TRIM24: variants seen among roughly 807,000 people sequenced by gnomAD.
TRIM24 encodes tripartite motif containing 24, also known as transcription intermediary factor 1-alpha.
In TRIM24, 29 loss-of-function variants were observed where a neutral mutation model predicts 123.9. That is an observed-to-expected ratio of 0.23 (90% CI 0.17 to 0.32). The LOEUF (loss-of-function observed/expected upper bound fraction) is 0.32, where lower values mean the gene tolerates loss of function less well. TRIM24 is among the 10% of genes least tolerant of loss of function. The pLI, the probability that TRIM24 is intolerant of heterozygous loss-of-function variation, is 1.00. For synonymous variants in TRIM24, 456 were observed against 461.1 expected (o/e 0.99, Z 0.14); for missense variants, 932 against 1,295.3 (o/e 0.72, Z 4.31).
intron 1 of TRIM24, among the ~76,000 whole-genome samples, chr7:138,466,599 C>T (rs1403242684): frequency 2.7e-5 from 4 of 149,556 alleles, no homozygotes; most frequent in Non-Finnish European, 3.0e-5. Flanking sequence ...AAGTGATCAC[C>T]CATCTCGTCT....
At chr7:138,500,068 T>C (rs886453736) in intron 1 of TRIM24, among the ~76,000 whole-genome samples, 5 of 152,154 alleles carry the variant, frequency 3.3e-5, no homozygotes, top group South Asian at 2.1e-4. Context: ...CCATGTGTAA[T>C]AAGAGACTTT....
At chr7:138,534,174 C>T (rs1796813484) in intron 6 of TRIM24, among the ~76,000 whole-genome samples, 1 of 152,132 alleles carries the variant, frequency 6.6e-6, no homozygotes, top group Non-Finnish European at 1.5e-5. Flanking sequence ...CTCCTGGATT[C>T]ATCAATTTTT....
chr7:138,540,515 A>C (rs1404943067), intron 7 of TRIM24, among the ~76,000 whole-genome samples: 1 of 152,218 alleles, frequency 6.6e-6, no homozygotes, highest in African/African-American at 2.4e-5. Context: ...CTATTCATCC[A>C]TTCAAGTTTG....
intron 9 of TRIM24, among the ~76,000 whole-genome samples, chr7:138,555,720 G>GATCC (rs1797302769): frequency 6.6e-6 from 1 of 151,966 alleles, no homozygotes; most frequent in Non-Finnish European, 1.5e-5. Flanking sequence ...CTGACCTTGT[G>GATCC]ATCCACCCAC....
intron 1 of TRIM24, among the ~76,000 whole-genome samples, chr7:138,468,038 GTTGAAT>G (rs910273305): frequency 6.6e-6 from 1 of 152,072 alleles, no homozygotes; most frequent in Non-Finnish European, 1.5e-5. Flanking sequence ...TTGACTAGAA[GTTGAAT>G]TTCAGTATTA....
At chr7:138,496,399 C>T (rs1210149886) in intron 1 of TRIM24, among the ~76,000 whole-genome samples, 2 of 152,146 alleles carry the variant, frequency 1.3e-5, no homozygotes, top group Non-Finnish European at 2.9e-5. Context: ...AGTTTTACTT[C>T]TTCCTTTCCA....
intron 1 of TRIM24, among the ~76,000 whole-genome samples, chr7:138,467,110 C>T (rs952457801): frequency 2.6e-5 from 4 of 152,208 alleles, no homozygotes; most frequent in African/African-American, 9.6e-5. Flanking sequence ...ATTGATTTGT[C>T]CATTCAGCTA....
rs147560321 is a variant in TRIM24 at position 138,580,687 on chromosome 7, A to G, written c.2711A>G (p.Asp904Gly). 6.2e-7 allele frequency: 1 copy of G among 1,613,142 alleles called. No homozygotes were observed. The highest frequency in any genetic ancestry group is 8.5e-7 in the Non-Finnish European group (1 of 1,179,652). Reference sequence around the variant, plus strand: ...GGCCTTGTTAAGTTAACACCTATAGATAAAAGGGTAAGTCTTTGGTAAGAT... The same window carrying G: ...GGCCTTGTTAAGTTAACACCTATAGGTAAAAGGGTAAGTCTTTGGTAAGAT... ...TEGLVKLTPI[D>G]KRKCERLLLF... The change falls in exon 16 of 19, where the codon GAT becomes GGT. Residue 904 changes from aspartate to glycine, a missense_variant. Physicochemically the swap from Asp to Gly is moderately conservative, Grantham distance 94 (BLOSUM62 -1). Coordinates refer to ENST00000343526, the MANE Select transcript of TRIM24 (RefSeq NM_015905.3).
chr7:138,546,801 A>G (rs1040075223), intron 7 of TRIM24, among the ~76,000 whole-genome samples: 2 of 152,222 alleles, frequency 1.3e-5, no homozygotes, highest in Non-Finnish European at 1.5e-5. Context: ...AGTGTTGGAG[A>G]GGATGTGGAG....
At position 138,579,522 on chromosome 7, in the gene TRIM24, A is replaced by C; in HGVS notation, c.2575A>C (p.Asn859His). 4 of 1,601,678 alleles carry C rather than the reference A, an allele frequency of 2.5e-6. No homozygotes were observed. The highest frequency in any genetic ancestry group is 3.4e-6 in the Non-Finnish European group (4 of 1,172,594). The stretch of plus-strand genomic sequence containing the variant: ...TTCTTGTCATGTGCCCACATTGACA[A>C]ATTTTCCAAGGTAAGATAGTACTTC... ...HLSCHVPTLT[N>H]FPSGEWICTF... is the part of the protein sequence containing the mutation. Residue 859 changes from asparagine (N) to histidine (H), a missense_variant, in exon 15 of 19, where the codon AAT becomes CAT. Asn to His is a moderately conservative substitution (Grantham distance 68). Transcript: ENST00000343526.
intron 9 of TRIM24, among the ~76,000 whole-genome samples, chr7:138,558,059 T>C (rs988773048): frequency 9.2e-5 from 14 of 152,132 alleles, no homozygotes; most frequent in Non-Finnish European, 2.9e-5. Flanking sequence ...TTAGAGGGAT[T>C]AGGCAGAAGG....
At chr7:138,553,338 T>TA (rs1372060709) in intron 8 of TRIM24, among the ~76,000 whole-genome samples, 1 of 152,226 alleles carries the variant, frequency 6.6e-6, no homozygotes, top group Non-Finnish European at 1.5e-5. Flanking sequence ...TGACTTTAGA[T>TA]AAGTTTTACA....
In TRIM24 at chr7:138,586,473, G is replaced by A. The variant is rs1403187825; in HGVS notation, c.*1522G>A. On this transcript the variant is annotated 3_prime_UTR_variant, in exon 19 of 19. Transcript: ENST00000343526. ...CATTGGGTTTTCAGGTACTGCTAAA[G>A]ATAAAATACAGGGAGAAAATAACTT... 2 of 152,736 alleles carry A rather than the reference G, an allele frequency of 1.3e-5. No individual in the cohort carries two copies. The highest frequency in any genetic ancestry group is 3.8e-4 in the East Asian group (2 of 5,208). The allele number at this position is 152,736 out of a possible 1,614,324, so 9.5% of individuals were successfully genotyped here.
At chr7:138,522,206 C>T (rs947114115) in intron 4 of TRIM24, among the ~76,000 whole-genome samples, 11 of 152,078 alleles carry the variant, frequency 7.2e-5, no homozygotes, top group East Asian at 5.8e-4. Flanking sequence ...TGCAGTGGCT[C>T]ACACCTGTAA....
At chr7:138,536,561 G>C (rs1796878530) in intron 6 of TRIM24, among the ~76,000 whole-genome samples, 1 of 152,236 alleles carries the variant, frequency 6.6e-6, no homozygotes, top group East Asian at 1.9e-4. Context: ...GTTGCTGCCT[G>C]ATCGTTCCTC....
chr7:138,495,470 T>C (rs1362699498), intron 1 of TRIM24, among the ~76,000 whole-genome samples: 2 of 152,112 alleles, frequency 1.3e-5, no homozygotes, highest in Non-Finnish European at 2.9e-5. Flanking sequence ...CCTTCTACTG[T>C]CTTCTGACTT....
At chr7:138,530,005 TC>T (rs971620244) in intron 6 of TRIM24, among the ~76,000 whole-genome samples, 5 of 152,192 alleles carry the variant, frequency 3.3e-5, no homozygotes, top group African/African-American at 9.7e-5. Context: ...ATTTAGGTCA[TC>T]CTTTTTATAT....
intron 6 of TRIM24, among the ~76,000 whole-genome samples, chr7:138,531,728 T>C (rs1170354464): frequency 6.6e-6 from 1 of 152,236 alleles, no homozygotes; most frequent in African/African-American, 2.4e-5. Flanking sequence ...TTTGGGTATA[T>C]ACCCAGTAAT....
rs748834293 is a variant in TRIM24 at position 138,554,715 on chromosome 7, G to A, written c.1279G>A (p.Asp427Asn). 4 of 1,613,954 alleles carry A rather than the reference G, an allele frequency of 2.5e-6. No individual in the cohort carries two copies. In the African/African-American group the frequency reaches 5.3e-5, roughly 22 times the overall value. Residue 427 changes from aspartate (D) to asparagine (N), a missense_variant, in exon 9 of 19, where the codon GAT becomes AAT. Asp to Asn is a conservative substitution (Grantham distance 23). Transcript: ENST00000343526. This position sits in a 1 kb window ranked among gnomAD's most constrained non-coding sequence, Gnocchi z 4.5. Reference sequence around the variant, plus strand: ...TTAATTAGGTTCTTTAGTAATCGAGGATAAAGAGAGCCAGCCACAAATGCC... The same window carrying A: ...TTAATTAGGTTCTTTAGTAATCGAGAATAAAGAGAGCCAGCCACAAATGCC... ...IINLGSLVIE[D>N]KESQPQMPKQ...
Sources: allele counts gnomAD v4.1 joint callset (sites outside exome capture counted in the v4.1 genomes callset), GRCh38; gene constraint gnomAD v4.1.1; non-coding constraint Gnocchi (gnomAD v3.1); transcripts MANE v1.5; gene names NCBI Gene and HGNC (gene_info 2026-07-23, HGNC 2026-07-21).